The following GALNTL6 variants were observed in gnomAD, a reference collection of about 807,000 sequenced individuals.
GALNTL6 encodes the protein polypeptide N-acetylgalactosaminyltransferase-like 6.
In GALNTL6, 46 loss-of-function variants were observed where a neutral mutation model predicts 73.7. The observed-to-expected ratio is 0.62, with a 90% CI of 0.49 to 0.80. The LOEUF (loss-of-function observed/expected upper bound fraction) is 0.80. Ranked by LOEUF, GALNTL6 falls within the 30% of genes least tolerant of loss-of-function variation. The probability of loss-of-function intolerance (pLI) is 0.00; values close to 1 mark genes in which losing one functional copy is unlikely to be tolerated. For synonymous variants in GALNTL6, 259 were observed against 263.7 expected (o/e 0.98, Z 0.17); for missense variants, 604 against 755.0 (o/e 0.80, Z 2.34).
chr4:172,183,259 TA>T (rs1735310611), intron 2 of GALNTL6, among the ~76,000 whole-genome samples: 1 of 152,206 alleles, frequency 6.6e-6, no homozygotes, highest in Non-Finnish European at 1.5e-5. Context: ...ACAGAATGCA[TA>T]AAAAACGATG....
chr4:172,147,387 T>C (rs537780970), intron 2 of GALNTL6, among the ~76,000 whole-genome samples: 93 of 152,324 alleles, frequency 6.1e-4, no homozygotes, highest in Middle Eastern at 3.4e-3. Flanking sequence ...TGACCATGGG[T>C]TTGGCCATGA....
At chr4:172,781,651 G>A (rs1012359049) in intron 5 of GALNTL6, among the ~76,000 whole-genome samples, 5 of 151,888 alleles carry the variant, frequency 3.3e-5, no homozygotes, top group South Asian at 4.2e-4. Flanking sequence ...AAAATTCTAC[G>A]TAGCTGCAAA....
At chr4:172,907,187 G>A (rs1292918277) in intron 8 of GALNTL6, among the ~76,000 whole-genome samples, 2 of 149,598 alleles carry the variant, frequency 1.3e-5, no homozygotes, top group Non-Finnish European at 3.0e-5. Context: ...CCTTTAAGGA[G>A]CACATACTAT....
At chr4:172,370,584 T>A (rs995838040) in intron 5 of GALNTL6, among the ~76,000 whole-genome samples, 3 of 127,066 alleles carry the variant, frequency 2.4e-5, no homozygotes, top group Non-Finnish European at 4.6e-5. Flanking sequence ...TGAGTCGAGA[T>A]CACGCCACTG....
chr4:172,597,410 T>G (rs55775015), intron 5 of GALNTL6, among the ~76,000 whole-genome samples: 5,339 of 152,318 alleles, frequency 0.035, 246 homozygotes, highest in African/African-American at 0.1. Flanking sequence ...TTATTTTTCT[T>G]GTTTCTTACT....
rs1734440390 is a variant in GALNTL6 at position 172,511,187 on chromosome 4, C to G, written c.553+162498C>G. On this transcript the variant is annotated intron_variant, in intron 5 of 12. Coordinates refer to ENST00000506823, the MANE Select transcript of GALNTL6 (RefSeq NM_001034845.3). ...TTAATCTAGGAGAGTTGGATATTTA[C>G]AGAAATTTATCCATCTCCTCTAGGT... 3.7e-5 allele frequency among the ~76,000 whole-genome samples: 2 copies of G among 54,760 alleles called. 1 individual carries two copies. The allele number at this position is 54,760 out of a possible 152,430, so 35.9% of individuals were successfully genotyped here.
At chr4:172,468,123 C>G (rs1445202975) in intron 5 of GALNTL6, among the ~76,000 whole-genome samples, 1 of 152,060 alleles carries the variant, frequency 6.6e-6, no homozygotes, top group Non-Finnish European at 1.5e-5. Flanking sequence ...AACTCCTAGC[C>G]TTAAGCAATC....
intron 4 of GALNTL6, among the ~76,000 whole-genome samples, chr4:172,312,626 A>G (rs1740402321): frequency 6.6e-6 from 1 of 152,220 alleles, no homozygotes; most frequent in South Asian, 2.1e-4. Context: ...AAAAAAAATC[A>G]GGGCAACTAA....
chr4:172,891,338 A>G (rs750335889), intron 8 of GALNTL6, among the ~76,000 whole-genome samples: 5 of 152,150 alleles, frequency 3.3e-5, no homozygotes, highest in Admixed American at 1.3e-4. Context: ...TCCCTTTAAC[A>G]TCTTTTGTAA....
At chr4:172,869,334 T>A (rs1279464408) in intron 7 of GALNTL6, among the ~76,000 whole-genome samples, 1 of 152,212 alleles carries the variant, frequency 6.6e-6, no homozygotes, top group Non-Finnish European at 1.5e-5. Flanking sequence ...TAGGTGGAGT[T>A]GTCTGAAAGC....
intron 5 of GALNTL6, among the ~76,000 whole-genome samples, chr4:172,615,189 TA>T (rs34080019): frequency 0.16 from 23,515 of 146,900 alleles, 2,057 homozygotes; most frequent in Admixed American, 0.25. Context: ...GCAGGTAGTT[TA>T]AAAAAAAAAA....
intron 5 of GALNTL6, among the ~76,000 whole-genome samples, chr4:172,512,528 T>C (rs1406150986): frequency 6.6e-6 from 1 of 152,202 alleles, no homozygotes; most frequent in Non-Finnish European, 1.5e-5. Flanking sequence ...GTTATTATTT[T>C]ATATGTCCTG....
intron 2 of GALNTL6, among the ~76,000 whole-genome samples, chr4:172,017,771 T>C (rs1386403164): frequency 6.6e-6 from 1 of 152,084 alleles, no homozygotes; most frequent in Non-Finnish European, 1.5e-5. Flanking sequence ...TGCAGGATTA[T>C]TGCTCTTCTG....
intron 2 of GALNTL6, among the ~76,000 whole-genome samples, chr4:172,102,144 G>T (rs1732536471): frequency 6.6e-6 from 1 of 152,106 alleles, no homozygotes; most frequent in Non-Finnish European, 1.5e-5. Flanking sequence ...TAATTAAGGA[G>T]GAATTTCTAC....
intron 5 of GALNTL6, among the ~76,000 whole-genome samples, chr4:172,795,353 C>T (rs1740204277): frequency 6.6e-6 from 1 of 152,020 alleles, no homozygotes. Context: ...AAAGGGAGAG[C>T]ATATGAAGAG....
At chr4:172,468,472 A>G (rs1263981127) in intron 5 of GALNTL6, among the ~76,000 whole-genome samples, 2 of 152,214 alleles carry the variant, frequency 1.3e-5, no homozygotes, top group Admixed American at 1.3e-4. Flanking sequence ...TCTATTGGGT[A>G]CAAATGAAAT....
chr4:172,017,458 T>A (rs1655923629), intron 2 of GALNTL6, among the ~76,000 whole-genome samples: 1 of 152,098 alleles, frequency 6.6e-6, no homozygotes, highest in Admixed American at 6.5e-5. Context: ...TATAGAGGCC[T>A]CCATGCTGCG....
At chr4:172,635,666 T>TTTAAA in intron 5 of GALNTL6, among the ~76,000 whole-genome samples, 1 of 152,202 alleles carries the variant, frequency 6.6e-6, no homozygotes, top group South Asian at 2.1e-4. Context: ...TTTTAAACAT[T>TTTAAA]CCTTGTAAAA....
rs4696034 is a variant in GALNTL6 at position 172,870,082 on chromosome 4, A to G, written c.924-12708A>G. On this transcript the variant is annotated intron_variant, in intron 7 of 12. Coordinates refer to ENST00000506823, the MANE Select transcript of GALNTL6 (RefSeq NM_001034845.3). Reference sequence around the variant, plus strand: ...CATCATCATCATCATCATCATCATCATCATCATCATCAGGTGTTTATAAAA... The same window carrying G: ...CATCATCATCATCATCATCATCATCGTCATCATCATCAGGTGTTTATAAAA... 4.9e-3 allele frequency among the ~76,000 whole-genome samples: 739 copies of G among 151,492 alleles called. 10 individuals carry two copies. The highest frequency in any genetic ancestry group is 0.016 in the African/African-American group (644 of 41,210).
Sources: gnomAD v4.1 joint callset for allele counts (sites outside exome capture counted in the v4.1 genomes callset) on GRCh38, gnomAD v4.1.1 for gene constraint, MANE v1.5 for transcripts, NCBI Gene and HGNC (gene_info 2026-07-23, HGNC 2026-07-21) for gene names.